Variants in ABCA13 observed in about 807,000 individuals in gnomAD.
ABCA13 encodes ATP-binding cassette sub-family A member 13.
Under a neutral mutation model 478.7 loss-of-function variants are expected in ABCA13, and 476 were observed. The ratio of observed to expected loss-of-function variants is 0.99; its 90% confidence interval spans 0.92 to 1.07. The LOEUF is 1.07. Ranked by LOEUF, ABCA13 falls within the 50% of genes least tolerant of loss-of-function variation. The probability of loss-of-function intolerance (pLI) is 0.00; values close to 1 mark genes in which losing one functional copy is unlikely to be tolerated. For missense variants in ABCA13, 6,060 were observed against 5,910.6 expected (o/e 1.03, Z -0.83); for synonymous variants, 2,252 against 2,158.9 (o/e 1.04, Z -1.20).
At chr7:48,612,745 TC>T (rs1387803331) in intron 58 of ABCA13, among the ~76,000 whole-genome samples, 1 of 152,214 alleles carries the variant, frequency 6.6e-6, no homozygotes, top group African/African-American at 2.4e-5. Flanking sequence ...TAGGGTAAGT[TC>T]TTAGGAAAGT....
At chr7:48,448,829 T>C (rs1824622636) in intron 42 of ABCA13, among the ~76,000 whole-genome samples, 1 of 152,142 alleles carries the variant, frequency 6.6e-6, no homozygotes, top group African/African-American at 2.4e-5. Flanking sequence ...TTTAAGAATA[T>C]ATTTAATTAA....
intron 32 of ABCA13, among the ~76,000 whole-genome samples, chr7:48,371,921 G>A (rs891336135): frequency 1.3e-5 from 2 of 152,102 alleles, no homozygotes; most frequent in Non-Finnish European, 2.9e-5. Flanking sequence ...TATTGGCGAC[G>A]GGTTTGTCAT....
chr7:48,317,374 A>G, intron 27 of ABCA13, 78 bp downstream of exon 27: 1 of 1,466,066 alleles, frequency 6.8e-7, no homozygotes, highest in South Asian at 1.3e-5. Context: ...TGTCTGACAT[A>G]ATTATTATGC....
chr7:48,566,191 A>C (rs932728343), intron 55 of ABCA13, among the ~76,000 whole-genome samples: 2 of 152,160 alleles, frequency 1.3e-5, no homozygotes, highest in Non-Finnish European at 2.9e-5. Flanking sequence ...GACCCCTCAG[A>C]GTGCTCCAAA....
intron 47 of ABCA13, among the ~76,000 whole-genome samples, chr7:48,484,731 C>T (rs1416393573): frequency 6.6e-6 from 1 of 152,166 alleles, no homozygotes; most frequent in Non-Finnish European, 1.5e-5. Context: ...ATGTTATTTA[C>T]GTGTCCTTCA....
At chr7:48,392,571 C>A (rs1312453256) in intron 38 of ABCA13, among the ~76,000 whole-genome samples, 2 of 152,150 alleles carry the variant, frequency 1.3e-5, no homozygotes, top group Non-Finnish European at 2.9e-5. Flanking sequence ...GTCACACACA[C>A]ACACAAAGAT....
intron 16 of ABCA13, among the ~76,000 whole-genome samples, chr7:48,270,064 G>C (rs1349524968): frequency 6.6e-6 from 1 of 152,098 alleles, no homozygotes; most frequent in Admixed American, 6.5e-5. Flanking sequence ...TATATTTGTG[G>C]ACCCATAGCA....
At position 48,249,366 on chromosome 7, in the gene ABCA13, T is replaced by C. The variant is rs1792180852; in HGVS notation, c.2005+15T>C. 6.2e-7 allele frequency: 1 copy of C among 1,611,282 alleles called. No homozygotes were observed. Among genetic ancestry groups the C allele is most frequent in the African/African-American group, 1.3e-5 (1 of 74,796 alleles). On this transcript the variant is annotated intron_variant, in intron 15 of 61. Coordinates refer to ENST00000435803, the MANE Select transcript of ABCA13 (RefSeq NM_152701.5). ...CAGACTATTGGGTAAGTCAGTAGCC[T>C]AAACTACAGGAATGGGGGATGCTTT...
intron 41 of ABCA13, 132 bp from the exon 42 acceptor site, chr7:48,427,634 G>A: frequency 1.6e-6 from 1 of 621,710 alleles, no homozygotes; most frequent in Non-Finnish European, 2.9e-6. Flanking sequence ...TTAAATGGAT[G>A]GCTAAATGAA....
intron 55 of ABCA13, among the ~76,000 whole-genome samples, chr7:48,541,747 T>G (rs999389204): frequency 6.9e-6 from 1 of 145,930 alleles, no homozygotes; most frequent in Non-Finnish European, 1.6e-5. Flanking sequence ...ATATCATGTA[T>G]ATAAATATCA....
intron 19 of ABCA13, among the ~76,000 whole-genome samples, chr7:48,287,051 G>A (rs1283765248): frequency 6.6e-6 from 1 of 152,110 alleles, no homozygotes; most frequent in Non-Finnish European, 1.5e-5. Context: ...GGTGGGAGGT[G>A]AGCACACAGG....
chr7:48,464,316 A>G (rs917246430), intron 43 of ABCA13, among the ~76,000 whole-genome samples: 10 of 152,242 alleles, frequency 6.6e-5, no homozygotes, highest in African/African-American at 2.4e-4. Flanking sequence ...GTTTATACAG[A>G]GGTCACACTG....
intron 20 of ABCA13, among the ~76,000 whole-genome samples, chr7:48,290,345 C>G (rs6949474): frequency 2.6e-5 from 4 of 152,066 alleles, no homozygotes; most frequent in African/African-American, 9.6e-5. Context: ...ACTTATCCAG[C>G]ATTTCTTGAT....
chr7:48,278,772 T>C lies in ABCA13; in HGVS notation c.7578T>C (p.Leu2526=). The change falls in exon 18 of 62, where the codon CTT becomes CTC. Residue 2526 remains leucine, a synonymous_variant. Coordinates refer to ENST00000435803, the MANE Select transcript of ABCA13 (RefSeq NM_152701.5). ...CAATGGACTCCATTGTGAAACTTCT[T>C]AAGCTGGTCAAGAAAGTTTCGGGGA... ...ATSMDSIVKL[L]KLVKKVSGKM... is the part of the protein sequence containing the mutation. 6.2e-7 allele frequency: 1 copy of C among 1,613,948 alleles called. No individual in the cohort carries two copies. Among genetic ancestry groups the C allele is most frequent in the African/African-American group, 1.3e-5 (1 of 75,044 alleles).
Position 48,278,299 on chromosome 7 carries a change from C to T in ABCA13, c.7105C>T (p.Leu2369Phe). Residue 2369 changes from leucine (L) to phenylalanine (F), a missense_variant, in exon 18 of 62, where the codon CTT (leucine) becomes TTT (phenylalanine). Leu to Phe is a conservative substitution (Grantham distance 22). Around this residue, in one of 3 missense-constraint regions of ABCA13, gnomAD observed 4,423 missense variants for 4,309.1 expected, o/e 1.03. Transcript: ENST00000435803. ...GTTCATGCAAGATTTATTTAATGCC[C>T]TTCTCAGGGAAACTTCAATGAAAAA... ...LKFMQDLFNA[L>F]LRETSMKNKT... The T allele has an allele frequency of 3.1e-6, 5 of 1,612,502 alleles. No individual in the cohort carries two copies. Among genetic ancestry groups the T allele is most frequent in the Non-Finnish European group, 4.2e-6 (5 of 1,179,064 alleles).
chr7:48,618,991 G>C (rs1228666144), intron 59 of ABCA13, among the ~76,000 whole-genome samples: 3 of 152,212 alleles, frequency 2.0e-5, no homozygotes, highest in Non-Finnish European at 4.4e-5. Context: ...ACACACTCCA[G>C]GACTCACTGA....
intron 32 of ABCA13, 125 bp downstream of exon 32, chr7:48,368,033 G>A (rs1001365530): frequency 1.6e-6 from 1 of 642,996 alleles, no homozygotes; most frequent in African/African-American, 1.8e-5. Context: ...CTGGGGTTCT[G>A]GTGTACAAAA....
chr7:48,532,378 T>G (rs759206460), intron 55 of ABCA13, among the ~76,000 whole-genome samples: 1 of 152,146 alleles, frequency 6.6e-6, no homozygotes, highest in Non-Finnish European at 1.5e-5. Flanking sequence ...ATCTTTTTGA[T>G]ATGCTTTGGA....
chr7:48,302,237 T>C (rs973696791), intron 23 of ABCA13, among the ~76,000 whole-genome samples: 7 of 152,230 alleles, frequency 4.6e-5, no homozygotes, highest in African/African-American at 7.2e-5. Flanking sequence ...TTCTCCTACT[T>C]GCACTTATGT....
Sources: gnomAD v4.1 joint callset for allele counts (sites outside exome capture counted in the v4.1 genomes callset) on GRCh38, gnomAD v4.1.1 for gene constraint, gnomAD v4.1.1 regional missense constraint, MANE v1.5 for transcripts, NCBI Gene and HGNC (gene_info 2026-07-23, HGNC 2026-07-21) for gene names.